MACROD2: variants seen among roughly 807,000 people sequenced by gnomAD.
MACROD2 encodes the protein ADP-ribose glycohydrolase MACROD2.
In MACROD2, 36 loss-of-function variants were observed where a neutral mutation model predicts 70.4. That is an observed-to-expected ratio of 0.51 (90% CI 0.39 to 0.68). MACROD2 has a LOEUF of 0.68. MACROD2 is among the 30% of genes least tolerant of loss of function. The pLI, the probability that MACROD2 is intolerant of heterozygous loss-of-function variation, is 0.00. For missense variants in MACROD2, 496 were observed against 538.4 expected (o/e 0.92, Z 0.78); for synonymous variants, 172 against 178.8 (o/e 0.96, Z 0.30).
chr20:14,541,617 C>CACTA (rs3044694), intron 4 of MACROD2, among the ~76,000 whole-genome samples: 1 of 151,660 alleles, frequency 6.6e-6, no homozygotes, highest in Non-Finnish European at 1.5e-5. Context: ...CACACACACA[C>CACTA]TATATAATGA....
intron 8 of MACROD2, among the ~76,000 whole-genome samples, chr20:15,635,314 T>C (rs6079912): frequency 0.092 from 14,073 of 152,250 alleles, 857 homozygotes; most frequent in Middle Eastern, 0.19. Context: ...AGCTAACGAA[T>C]GGCAAAACCA....
Position 14,770,080 on chromosome 20 carries a change from G to C in MACROD2, c.418+85121G>C, listed in dbSNP as rs577690675. Among the ~76,000 whole-genome samples the C allele has an allele frequency of 1.6e-4, 25 of 151,808 alleles. 1 individual carries two copies. The highest frequency in any genetic ancestry group is 3.9e-4 in the Admixed American group (6 of 15,242). On this transcript the variant is annotated intron_variant, in intron 5 of 17. Coordinates refer to ENST00000684519, the MANE Select transcript of MACROD2 (RefSeq NM_001351661.2). ...AGTATGAATATGTGATCTAATTTTG[G>C]TATTAAAATATATATTATTTATTTA...
At chr20:15,447,956 A>G (rs1161908221) in intron 7 of MACROD2, among the ~76,000 whole-genome samples, 1 of 152,036 alleles carries the variant, frequency 6.6e-6, no homozygotes, top group Non-Finnish European at 1.5e-5. Flanking sequence ...AGAGGCCATG[A>G]CATTTTTCCT....
chr20:14,911,977 G>A (rs184159176), intron 5 of MACROD2, among the ~76,000 whole-genome samples: 6 of 152,220 alleles, frequency 3.9e-5, no homozygotes, highest in Admixed American at 3.3e-4. Flanking sequence ...CCAACACCCT[G>A]TCTAATTCTT....
chr20:14,836,324 G>A (rs1426852892), intron 5 of MACROD2, among the ~76,000 whole-genome samples: 1 of 152,056 alleles, frequency 6.6e-6, no homozygotes, highest in Non-Finnish European at 1.5e-5. Flanking sequence ...CATCTTTAGT[G>A]ACTGGTGTCC....
intron 6 of MACROD2, among the ~76,000 whole-genome samples, chr20:15,336,385 A>G (rs148968911): frequency 7.8e-6 from 1 of 128,968 alleles, no homozygotes; most frequent in African/African-American, 2.9e-5. Flanking sequence ...AAAAAAAAAA[A>G]AGAAAAAAAA....
intron 3 of MACROD2, among the ~76,000 whole-genome samples, chr20:14,123,671 C>T (rs2054611714): frequency 6.6e-6 from 1 of 152,106 alleles, no homozygotes. Flanking sequence ...ATCAATGTTT[C>T]AGAAAGGTAG....
chr20:14,568,145 T>A (rs1979930958), intron 4 of MACROD2, among the ~76,000 whole-genome samples: 1 of 152,086 alleles, frequency 6.6e-6, no homozygotes, highest in Non-Finnish European at 1.5e-5. Context: ...TGTGTTACCT[T>A]TATATGATTT....
At chr20:14,204,974 G>A (rs1353411456) in intron 3 of MACROD2, among the ~76,000 whole-genome samples, 1 of 152,100 alleles carries the variant, frequency 6.6e-6, no homozygotes, top group Admixed American at 6.5e-5. Flanking sequence ...TCTTCAAGAA[G>A]TAGAAATGAT....
chr20:15,447,197 T>C (rs1239758654), intron 7 of MACROD2, among the ~76,000 whole-genome samples: 1 of 151,970 alleles, frequency 6.6e-6, no homozygotes, highest in Non-Finnish European at 1.5e-5. Context: ...GTGGTGAGCA[T>C]GGGAAGGTGG....
At chr20:14,977,847 G>C (rs2074755876) in intron 5 of MACROD2, among the ~76,000 whole-genome samples, 1 of 152,138 alleles carries the variant, frequency 6.6e-6, no homozygotes, top group South Asian at 2.1e-4. Flanking sequence ...CTTATGGCTT[G>C]GTGTATGGAT....
At chr20:15,941,494 G>GA (rs11362358) in intron 12 of MACROD2, among the ~76,000 whole-genome samples, 7 of 151,270 alleles carry the variant, frequency 4.6e-5, no homozygotes, top group East Asian at 3.9e-4. Context: ...ACCTAGCTTA[G>GA]AAAAAAAAAA....
intron 8 of MACROD2, among the ~76,000 whole-genome samples, chr20:15,708,484 G>T (rs1840782397): frequency 6.6e-6 from 1 of 152,090 alleles, no homozygotes; most frequent in Admixed American, 6.5e-5. Flanking sequence ...AGACATGCTG[G>T]AGAAACAGCA....
chr20:14,227,029 A>T (rs899977416), intron 3 of MACROD2, among the ~76,000 whole-genome samples: 1 of 152,172 alleles, frequency 6.6e-6, no homozygotes, highest in Non-Finnish European at 1.5e-5. Context: ...AAATACACCA[A>T]TTGGCACTCT....
chr20:14,802,025 G>A (rs117533064), intron 5 of MACROD2, among the ~76,000 whole-genome samples: 5,115 of 152,124 alleles, frequency 0.034, 158 homozygotes, highest in Non-Finnish European at 0.049. Context: ...CAGGAACATA[G>A]CAGAATTTAA....
At chr20:15,425,036 A>G (rs1345848649) in intron 6 of MACROD2, among the ~76,000 whole-genome samples, 3 of 152,166 alleles carry the variant, frequency 2.0e-5, no homozygotes, top group Non-Finnish European at 2.9e-5. Flanking sequence ...AAAAAGAAAG[A>G]GCTACGCGCA....
intron 8 of MACROD2, among the ~76,000 whole-genome samples, chr20:15,802,682 C>A (rs2063736617): frequency 6.6e-6 from 1 of 152,022 alleles, no homozygotes; most frequent in South Asian, 2.1e-4. Context: ...GCACAACTAA[C>A]TGAAATCATG....
chr20:16,021,810 C>G (rs1406666334), intron 15 of MACROD2, among the ~76,000 whole-genome samples: 1 of 152,216 alleles, frequency 6.6e-6, no homozygotes, highest in Non-Finnish European at 1.5e-5. Context: ...ATGTTCTCCA[C>G]TCTGACTCCA....
intron 3 of MACROD2, among the ~76,000 whole-genome samples, chr20:14,255,946 A>G (rs1367824733): frequency 2.0e-5 from 3 of 151,850 alleles, no homozygotes; most frequent in Non-Finnish European, 2.9e-5. Flanking sequence ...CATAGTGCCT[A>G]TTAAATCTGT....
Sources: allele counts gnomAD v4.1 joint callset (sites outside exome capture counted in the v4.1 genomes callset), GRCh38; gene constraint gnomAD v4.1.1; transcripts MANE v1.5; gene names NCBI Gene and HGNC (gene_info 2026-07-23, HGNC 2026-07-21).